Variants in HELZ2 observed in about 807,000 individuals in gnomAD.
The protein encoded by HELZ2 is 3'-5' exoribonuclease HELZ2.
HELZ2 carries 143 observed loss-of-function variants against 208.8 expected under a neutral mutation model. That is an observed-to-expected ratio of 0.68 (90% CI 0.60 to 0.79). The LOEUF (loss-of-function observed/expected upper bound fraction) is 0.79, where lower values mean the gene tolerates loss of function less well. Ranked by LOEUF, HELZ2 falls within the 30% of genes least tolerant of loss-of-function variation. The pLI is 0.00. For synonymous variants in HELZ2, 1,705 were observed against 1,693.7 expected, an observed-to-expected ratio of 1.01 and a Z score of -0.16; for missense variants, 3,690 against 3,794.5, an observed-to-expected ratio of 0.97 and a Z score of 0.72.
exon 1 of HELZ2, chr20:63,572,387 T>C (rs1352732716): frequency 6.6e-7 from 1 of 1,515,888 alleles, no homozygotes; most frequent in Admixed American, 2.0e-5. Context: ...CACAGCCATC[T>C]CCACGGCGCT....
chr20:63,562,608 G>C (rs762873894), exon 8 of HELZ2: 1 of 1,595,422 alleles, frequency 6.3e-7, no homozygotes, highest in Non-Finnish European at 8.5e-7. Flanking sequence ...ATGCCCATGT[G>C]GTGGACGAAG....
At chr20:63,559,881 G>A (rs1344479116) in intron 18 of HELZ2, 47 bp downstream of exon 19, 4 of 1,591,554 alleles carry the variant, frequency 2.5e-6, no homozygotes, top group Non-Finnish European at 3.4e-6. Flanking sequence ...GCCCAGCCCT[G>A]GCCTCACCTG....
At chr20:63,568,989 G>A (rs754687332) in exon 5 of HELZ2, 33 of 1,601,588 alleles carry the variant, frequency 2.1e-5, no homozygotes, top group East Asian at 6.7e-5. Flanking sequence ...ACCTGGCCCC[G>A]CAGGGTCAGC....
At chr20:63,570,647 A>AGCG in intron 2 of HELZ2, 36 bp from the exon 4 acceptor site, 1 of 1,497,360 alleles carries the variant, frequency 6.7e-7, no homozygotes, top group Non-Finnish European at 9.2e-7. Flanking sequence ...AGAGGCCTGG[A>AGCG]CCCCACCCCA....
chr20:63,567,055 CT>C lies in HELZ2; in HGVS notation c.2302del (p.Arg768GlyfsTer32). 1 of 1,612,170 alleles carries C rather than the reference CT, an allele frequency of 6.2e-7. No individual in the cohort carries two copies. The highest frequency in any genetic ancestry group is 8.5e-7 in the Non-Finnish European group (1 of 1,179,988). On this transcript the variant is annotated frameshift_variant, in exon 6 of 19. Coordinates refer to ENST00000467148, the Ensembl canonical transcript of HELZ2. LOFTEE classifies it high-confidence loss of function. ...CCGGGGGTGGGGCGGAACCTTGCCC[CT>C]GGCGTGGATGGGGTTGCCCTTGGCC... is the stretch of plus-strand genomic sequence containing the variant.
chr20:63,569,741 G>A, intron 3 of HELZ2, 76 bp from the exon 5 acceptor site: 3 of 1,404,154 alleles, frequency 2.1e-6, no homozygotes, highest in Non-Finnish European at 2.8e-6. Flanking sequence ...GGCCAGCGTA[G>A]CCCAAGTGCA....
exon 5 of HELZ2, chr20:63,568,984 G>A: frequency 1.2e-6 from 2 of 1,602,080 alleles, no homozygotes; most frequent in Non-Finnish European, 8.5e-7. Flanking sequence ...GGAACACCTG[G>A]CCCCGCAGGG....
Position 63,568,869 on chromosome 20 carries a change from G to C in HELZ2, c.1219C>G (p.Gln407Glu), listed in dbSNP as rs768531861. The C allele has an allele frequency of 9.1e-5, 146 of 1,612,186 alleles. No individual in the cohort carries two copies. The highest frequency in any genetic ancestry group is 5.8e-4 in the South Asian group (53 of 91,088). Reference sequence around the variant, plus strand: ...ACCGCCCGGCCCAGCAGGAAGCCCTGGTCTGTGTCTGGCATCAGGGAGGAG... The same window carrying C: ...ACCGCCCGGCCCAGCAGGAAGCCCTCGTCTGTGTCTGGCATCAGGGAGGAG... The change falls in exon 5 of 19, where the codon CAG becomes GAG. Residue 407 changes from glutamine (Q) to glutamate (E), a missense_variant. By Grantham distance (29) the Gln-to-Glu change is conservative. This residue lies in a region of HELZ2 where 1,119 missense variants were observed against 1,193.4 expected (regional missense o/e 0.94). Coordinates refer to ENST00000467148, the Ensembl canonical transcript of HELZ2.
downstream of HELZ2, chr20:63,558,563 G>A (rs2082839816): frequency 6.6e-6 from 1 of 152,162 alleles, no homozygotes; most frequent in South Asian, 2.1e-4. Flanking sequence ...TTTTAAGACA[G>A]GGTCTCGCTC....
At position 63,559,297 on chromosome 20, in the gene HELZ2, G is replaced by A. The variant is rs141761578; in HGVS notation, c.7899C>T (p.Leu2633=). ...AGACGCGCACCTGGCCGGCAGGCAC[G>A]AGGGTCTGCTGAGCCTCGCAGAAGT... Residue 2633 remains leucine (L), a synonymous_variant, in exon 19 of 19, where the codon CTC becomes CTT. Coordinates refer to ENST00000467148, the Ensembl canonical transcript of HELZ2. 1.3e-3 allele frequency: 2,075 copies of A among 1,597,186 alleles called. 2 individuals are homozygous for A. The highest frequency in any genetic ancestry group is 1.4e-3 in the Non-Finnish European group (1,656 of 1,172,452).
chr20:63,564,881 G>C lies in HELZ2; in HGVS notation c.3941C>G (p.Ala1314Gly), dbSNP rs747179343. Residue 1314 changes from alanine (A) to glycine (G), a missense_variant, in exon 8 of 19, where the codon GCC becomes GGC. Coordinates refer to ENST00000467148, the Ensembl canonical transcript of HELZ2. ...TTTCTGCAGCACCTTGGTGATGGTGGCCTGGTCCGACGGGGGCACCCTCAA... is the reference window on the plus strand; with the variant it reads ...TTTCTGCAGCACCTTGGTGATGGTGCCCTGGTCCGACGGGGGCACCCTCAA... 4 of 1,612,308 alleles carry C rather than the reference G, an allele frequency of 2.5e-6. No homozygotes were observed. In the South Asian group the frequency reaches 4.4e-5, roughly 18 times the overall value.
Position 63,565,679 on chromosome 20 carries a change from C to T in HELZ2, c.3143G>A (p.Gly1048Asp), listed in dbSNP as rs1405819691. Residue 1048 changes from glycine (G) to aspartate (D), a missense_variant, in exon 8 of 19, where the codon GGC becomes GAC. By Grantham distance (94) the Gly-to-Asp change is moderately conservative (BLOSUM62 -1). Coordinates refer to ENST00000467148, the Ensembl canonical transcript of HELZ2. ...ATCCTCAGCCTCCGTGGACTCCACG[C>T]CCGCTGCAGCAGCCGCTCCTGCCGC... 3.1e-6 allele frequency: 5 copies of T among 1,609,078 alleles called. 1 individual carries two copies. The highest frequency in any genetic ancestry group is 2.2e-5 in the South Asian group (2 of 91,066).
At chr20:63,569,250 C>T (rs758238702) in exon 4 of HELZ2, 20 of 1,570,790 alleles carry the variant, frequency 1.3e-5, no homozygotes, top group Admixed American at 3.7e-5. Context: ...CACGCTGCTG[C>T]GGTTGAACTC....
At chr20:63,564,032 T>G (rs746991265) in exon 8 of HELZ2, 1 of 1,604,368 alleles carries the variant, frequency 6.2e-7, no homozygotes, top group Non-Finnish European at 8.5e-7. Flanking sequence ...GGCCAGGAGG[T>G]GCAGCCGCGT....
chr20:63,565,289 G>A lies in HELZ2; in HGVS notation c.3533C>T (p.Ser1178Leu), dbSNP rs759215651. 6.2e-6 allele frequency: 10 copies of A among 1,605,166 alleles called. No individual in the cohort carries two copies. Among genetic ancestry groups the A allele is most frequent in the South Asian group, 2.2e-5 (2 of 89,944 alleles). Residue 1178 changes from serine (S) to leucine (L), a missense_variant, in exon 8 of 19, where the codon TCG (serine) becomes TTG (leucine). Transcript: ENST00000467148. ...CCGCCCCTCGGGCGCCTTGTCTCCC[G>A]AAAGGAGCTGCACCAGCACCTCATC...
intron 3 of HELZ2, 77 bp from the exon 5 acceptor site, chr20:63,569,742 C>G: frequency 1.4e-6 from 2 of 1,402,920 alleles, no homozygotes; most frequent in Non-Finnish European, 1.9e-6. Context: ...GCCAGCGTAG[C>G]CCAAGTGCAG....
chr20:63,558,391 G>GA (rs2082837786), downstream of HELZ2: 1 of 152,128 alleles, frequency 6.6e-6, no homozygotes. Context: ...GTGGGGTGGG[G>GA]CGGGGTGGGC....
chr20:63,572,481 C>T (rs995387424), upstream of HELZ2: 1 of 1,324,946 alleles, frequency 7.5e-7, no homozygotes, highest in Non-Finnish European at 1.0e-6. Flanking sequence ...GGCTGGCCGG[C>T]CCGGGGCCGC....
At chr20:63,562,453 C>G (rs1271928478) in intron 8 of HELZ2, 67 bp downstream of exon 9, 1 of 1,528,060 alleles carries the variant, frequency 6.5e-7, no homozygotes, top group East Asian at 2.4e-5. Flanking sequence ...CACGAGCTCC[C>G]CCCTCCTGCA....
Sources: allele counts gnomAD v4.1 joint callset, GRCh38; gene constraint gnomAD v4.1.1; regional missense constraint gnomAD v4.1.1; transcripts MANE v1.5; gene names NCBI Gene and HGNC (gene_info 2026-07-23, HGNC 2026-07-21).